The following ADAM19 variants were observed in gnomAD, a reference collection of about 807,000 sequenced individuals.
ADAM19 encodes disintegrin and metalloproteinase domain-containing protein 19.
Under a neutral mutation model 114.7 loss-of-function variants are expected in ADAM19, and 65 were observed. The ratio of observed to expected loss-of-function variants is 0.57; its 90% CI spans 0.46 to 0.70. The LOEUF (loss-of-function observed/expected upper bound fraction) is 0.70, where lower values mean the gene tolerates loss of function less well. Among genes scored for constraint, ADAM19 ranks in the 30% least tolerant of loss-of-function variants. The pLI, the probability that ADAM19 is intolerant of heterozygous loss-of-function variation, is 0.00. For synonymous variants in ADAM19, 466 were observed against 460.5 expected, an observed-to-expected ratio of 1.01 and a Z score of -0.15; for missense variants, 1,063 against 1,204.7, an observed-to-expected ratio of 0.88 and a Z score of 1.74.
intron 12 of ADAM19, among the ~76,000 whole-genome samples, chr5:157,500,372 C>G (rs1360426899): frequency 1.3e-5 from 2 of 152,180 alleles, no homozygotes; most frequent in African/African-American, 4.8e-5. Flanking sequence ...TATATTTATA[C>G]TTACTTTACA....
chr5:157,504,487 G>C (rs977796861), intron 11 of ADAM19, among the ~76,000 whole-genome samples: 1 of 152,128 alleles, frequency 6.6e-6, no homozygotes, highest in African/African-American at 2.4e-5. Context: ...CTGACCTCAG[G>C]TGAACTGCCC....
At chr5:157,543,862 T>G (rs969631349) in intron 3 of ADAM19, among the ~76,000 whole-genome samples, 2 of 152,220 alleles carry the variant, frequency 1.3e-5, no homozygotes, top group Non-Finnish European at 2.9e-5. Flanking sequence ...TCTAATGTCA[T>G]GGCCTGCACT....
rs1439248390 is a variant in ADAM19 at position 157,498,836 on chromosome 5, A to G, written c.1398+737T>C. On this transcript the variant is annotated intron_variant, in intron 13 of 22. Coordinates refer to ENST00000257527, the MANE Select transcript of ADAM19 (RefSeq NM_033274.5). ...AATATTTCTGTAATGCAATATAAATATTCACTTTAGGAGTGATTTTTTTTT... is the reference window on the plus strand; with the variant it reads ...AATATTTCTGTAATGCAATATAAATGTTCACTTTAGGAGTGATTTTTTTTT... 3.9e-5 allele frequency among the ~76,000 whole-genome samples: 6 copies of G among 152,268 alleles called. No homozygotes were observed. The South Asian group carries it at 1.2e-3, about 32-fold the overall frequency.
In ADAM19 at chr5:157,511,843, C is replaced by T. The variant is rs191750424; in HGVS notation, c.738+1591G>A. Among the ~76,000 whole-genome samples the T allele has an allele frequency of 3.4e-3, 524 of 152,344 alleles. 18 individuals carry two copies. The highest frequency in any genetic ancestry group is 0.033 in the Admixed American group (500 of 15,298). ...AGCCGCGAGGAGAGAGCCAAGACGGCTGCACAGGATGCATGGGCCACCCAG... is the reference window on the plus strand; with the variant it reads ...AGCCGCGAGGAGAGAGCCAAGACGGTTGCACAGGATGCATGGGCCACCCAG... On this transcript the variant is annotated intron_variant, in intron 8 of 22. Coordinates refer to ENST00000257527, the MANE Select transcript of ADAM19 (RefSeq NM_033274.5).
Position 157,575,643 on chromosome 5 carries a change from C to G in ADAM19, c.54G>C (p.Gln18His). The change falls in exon 1 of 23, where the codon CAG (glutamine) becomes CAC (histidine). Residue 18 changes from glutamine (Q) to histidine (H), a missense_variant. By Grantham distance (24) the Gln-to-His change is conservative. Coordinates refer to ENST00000257527, the MANE Select transcript of ADAM19 (RefSeq NM_033274.5). ...ARLCLLAFAL[Q>H]PLRPRAAREP... ...CCCGCGCCGCCCGCGGCCGGAGGGG[C>G]TGCAGGGCAAACGCCAGCAAGCAGA... 7.0e-7 allele frequency: 1 copy of G among 1,428,086 alleles called. No individual in the cohort carries two copies. Among genetic ancestry groups the G allele is most frequent in the Non-Finnish European group, 9.1e-7 (1 of 1,097,700 alleles). The allele number at this position is 1,428,086 out of a possible 1,614,324, so 88.5% of individuals were successfully genotyped here. A position where few individuals can be genotyped will look rare whatever the true frequency, so the allele number is the denominator to read the frequency against.
intron 3 of ADAM19, among the ~76,000 whole-genome samples, chr5:157,554,220 T>C (rs970111798): frequency 1.3e-5 from 2 of 152,200 alleles, no homozygotes; most frequent in Non-Finnish European, 2.9e-5. Flanking sequence ...CATCCTGACT[T>C]CTTCCAAGTC....
At chr5:157,560,156 T>C (rs1209188864) in intron 3 of ADAM19, among the ~76,000 whole-genome samples, 50 of 147,916 alleles carry the variant, frequency 3.4e-4, no homozygotes, top group Middle Eastern at 6.9e-3. Flanking sequence ...TCCCAGCTAC[T>C]TGGGAGGCTG....
intron 3 of ADAM19, among the ~76,000 whole-genome samples, chr5:157,554,156 T>C (rs961295985): frequency 2.0e-5 from 3 of 152,232 alleles, no homozygotes; most frequent in Non-Finnish European, 2.9e-5. Flanking sequence ...ATGCCAGCTA[T>C]TGTTGTTATC....
intron 2 of ADAM19, among the ~76,000 whole-genome samples, chr5:157,567,365 CTGTT>C (rs1757692406): frequency 6.6e-6 from 1 of 152,346 alleles, no homozygotes; most frequent in Admixed American, 6.5e-5. Context: ...ATTCACTTCT[CTGTT>C]TGTCATGCCC....
At chr5:157,497,372 A>G (rs932628273) in intron 13 of ADAM19, among the ~76,000 whole-genome samples, 1 of 152,236 alleles carries the variant, frequency 6.6e-6, no homozygotes, top group Admixed American at 6.5e-5. Flanking sequence ...ACAGTTTCCT[A>G]CATGCTTTAG....
At chr5:157,539,153 C>CAAA (rs11336664) in intron 3 of ADAM19, among the ~76,000 whole-genome samples, 1 of 91,932 alleles carries the variant, frequency 1.1e-5, no homozygotes, top group African/African-American at 3.8e-5. Context: ...GACTCTGTCT[C>CAAA]AAAAAAAAAA....
chr5:157,501,696 C>G (rs112160357), intron 12 of ADAM19, among the ~76,000 whole-genome samples: 7,576 of 152,150 alleles, frequency 0.05, 263 homozygotes, highest in Middle Eastern at 0.092. Context: ...GCATCCTTGA[C>G]TAGTTCTTGT....
intron 1 of ADAM19, among the ~76,000 whole-genome samples, chr5:157,573,447 T>C (rs573231388): frequency 6.6e-6 from 1 of 152,158 alleles, no homozygotes; most frequent in Non-Finnish European, 1.5e-5. Context: ...GATTTCAGCA[T>C]AGTAAAAAGA....
Position 157,493,188 on chromosome 5 carries a change from G to A in ADAM19, c.1704-11C>T. ...CCACACTTCGCATCTCTGGGCACAA[G>A]AGACAGAGAGGGAAGGAAGCGGAAT... is the stretch of plus-strand genomic sequence containing the variant. On this transcript the variant is annotated splice_polypyrimidine_tract_variant and intron_variant, in intron 15 of 22. Coordinates refer to ENST00000257527, the MANE Select transcript of ADAM19 (RefSeq NM_033274.5). 1.2e-6 allele frequency: 2 copies of A among 1,610,672 alleles called. No homozygotes were observed. Among genetic ancestry groups the A allele is most frequent in the Non-Finnish European group, 1.7e-6 (2 of 1,177,018 alleles).
In ADAM19 at chr5:157,479,140, G is replaced by T. The variant is rs1019461028; in HGVS notation, c.*1809C>A. On this transcript the variant is annotated 3_prime_UTR_variant, in exon 23 of 23. Coordinates refer to ENST00000257527, the MANE Select transcript of ADAM19 (RefSeq NM_033274.5). ...ATGACCCACAGCAAGGATGACCCAC[G>T]GCAAGGACATGGGGAACCTGTATCA... 1.0e-6 allele frequency: 1 copy of T among 985,886 alleles called. No individual in the cohort carries two copies. The highest frequency in any genetic ancestry group is 1.1e-4 in the East Asian group (1 of 8,812). The allele number at this position is 985,886 out of a possible 1,614,324, so 61.1% of individuals were successfully genotyped here. A position where few individuals can be genotyped will look rare whatever the true frequency, so the allele number is the denominator to read the frequency against.
rs944878988 is a variant in ADAM19, at chr5:157,519,762, G to A, written c.600+77C>T. ...TCACCTTCAATTTAGAAATACTCCT[G>A]GATTCAAAGTAAGCAACCTCAGAGG... On this transcript the variant is annotated intron_variant, in intron 6 of 22. Coordinates refer to ENST00000257527, the MANE Select transcript of ADAM19 (RefSeq NM_033274.5). 1.1e-5 allele frequency: 15 copies of A among 1,352,022 alleles called. No individual in the cohort carries two copies. In the Admixed American group the frequency reaches 1.4e-4, roughly 12 times the overall value. 83.8% of individuals were successfully genotyped at this position (1,352,022 alleles called of 1,614,324 possible).
chr5:157,547,605 C>G (rs1016196746), intron 3 of ADAM19, among the ~76,000 whole-genome samples: 2 of 152,192 alleles, frequency 1.3e-5, no homozygotes, highest in African/African-American at 4.8e-5. Context: ...AAACAGATTT[C>G]TTTTCTTTAT....
chr5:157,549,743 A>C (rs1757138057), intron 3 of ADAM19, among the ~76,000 whole-genome samples: 1 of 152,188 alleles, frequency 6.6e-6, no homozygotes, highest in Admixed American at 6.5e-5. Context: ...TCCTGTTTTC[A>C]TGCCTAGTCT....
rs1365682554 is a variant in ADAM19, at chr5:157,478,178, G to T, written c.*2771C>A. On this transcript the variant is annotated 3_prime_UTR_variant, in exon 23 of 23. Coordinates refer to ENST00000257527, the MANE Select transcript of ADAM19 (RefSeq NM_033274.5). ...TTACCTACATCCCCATCTGCACAAA[G>T]AGCTTGCTAACTCACTAACCCAAAC... 1.3e-5 allele frequency: 2 copies of T among 152,426 alleles called. No homozygotes were observed. The highest frequency in any genetic ancestry group is 4.9e-5 in the African/African-American group (2 of 40,508). 9.4% of individuals were successfully genotyped at this position (152,426 alleles called of 1,614,324 possible). A position where few individuals can be genotyped will look rare whatever the true frequency, so the allele number is the denominator to read the frequency against.
Sources: gnomAD v4.1 joint callset for allele counts (sites outside exome capture counted in the v4.1 genomes callset) on GRCh38, gnomAD v4.1.1 for gene constraint, MANE v1.5 for transcripts, NCBI Gene and HGNC (gene_info 2026-07-23, HGNC 2026-07-21) for gene names.